The following CRACD variants were observed in gnomAD, a reference collection of about 807,000 sequenced individuals.
CRACD encodes the protein capping protein inhibiting regulator of actin dynamics, also known as capping protein-inhibiting regulator of actin dynamics.
CRACD carries 56 observed loss-of-function variants against 106.8 expected under a neutral mutation model. The observed-to-expected ratio is 0.52, with a 90% CI of 0.42 to 0.66. The LOEUF (loss-of-function observed/expected upper bound fraction) is 0.66. Among genes scored for constraint, CRACD ranks in the 30% least tolerant of loss-of-function variants. The pLI, the probability that CRACD is intolerant of heterozygous loss-of-function variation, is 0.00. For missense variants in CRACD, 1,730 were observed against 1,623.2 expected (o/e 1.07, Z -1.13); for synonymous variants, 754 against 670.8 (o/e 1.12, Z -1.92).
At chr4:56,162,149 A>G (rs1735981994) in intron 1 of CRACD, among the ~76,000 whole-genome samples, 1 of 152,138 alleles carries the variant, frequency 6.6e-6, no homozygotes, top group Non-Finnish European at 1.5e-5. Flanking sequence ...TGGATCAGAG[A>G]TGGGTAGATT....
chr4:56,216,986 C>CAAAAAAAAAAAAA (rs369354563), intron 2 of CRACD, among the ~76,000 whole-genome samples: 1 of 66,298 alleles, frequency 1.5e-5, no homozygotes, highest in African/African-American at 7.0e-5. Context: ...GACTCCGTCT[C>CAAAAAAAAAAAAA]AAAAAAAAAA....
At chr4:56,079,421 A>G (rs1041841335) in intron 1 of CRACD, among the ~76,000 whole-genome samples, 12 of 150,874 alleles carry the variant, frequency 8.0e-5, no homozygotes, top group Admixed American at 7.9e-4. Context: ...CTTATTTCTA[A>G]CATCGTCCTA....
chr4:56,251,580 C>G (rs763907142), intron 2 of CRACD, among the ~76,000 whole-genome samples: 3 of 152,140 alleles, frequency 2.0e-5, no homozygotes, highest in Admixed American at 2.0e-4. Context: ...CACTAAGGCT[C>G]ATGTTTAATG....
intron 1 of CRACD, among the ~76,000 whole-genome samples, chr4:56,172,711 C>T (rs953717694): frequency 6.6e-6 from 1 of 152,038 alleles, no homozygotes; most frequent in African/African-American, 2.4e-5. Flanking sequence ...GCAACGTCCA[C>T]CTCCTGGGTT....
chr4:56,141,790 C>T (rs952560674), intron 1 of CRACD, among the ~76,000 whole-genome samples: 4 of 144,742 alleles, frequency 2.8e-5, no homozygotes, highest in Non-Finnish European at 6.0e-5. Context: ...ACCTCCTGGG[C>T]TCAAGTGATC....
intron 2 of CRACD, among the ~76,000 whole-genome samples, chr4:56,218,560 C>T (rs73160419): frequency 1.4e-3 from 201 of 139,140 alleles, no homozygotes; most frequent in African/African-American, 5.0e-3. Context: ...CTTGCCTTCT[C>T]TTCACTTCTC....
intron 2 of CRACD, among the ~76,000 whole-genome samples, chr4:56,260,837 T>C (rs1741651615): frequency 6.6e-6 from 1 of 152,158 alleles, no homozygotes. Flanking sequence ...CTCCTTGCAA[T>C]ATATCATCTG....
chr4:56,078,834 A>C (rs1732928520), intron 1 of CRACD, among the ~76,000 whole-genome samples: 1 of 152,200 alleles, frequency 6.6e-6, no homozygotes, highest in Non-Finnish European at 1.5e-5. Flanking sequence ...ATATATGGAT[A>C]AAGGGTGTCT....
chr4:56,317,726 A>C (rs116639089), intron 8 of CRACD, among the ~76,000 whole-genome samples: 242 of 152,036 alleles, frequency 1.6e-3, no homozygotes, highest in African/African-American at 5.4e-3. Flanking sequence ...TGCTCTGCAA[A>C]TGCAGCTTGG....
chr4:56,295,660 CATATATATATATAT>C (rs57635563), intron 3 of CRACD, among the ~76,000 whole-genome samples: 3,318 of 108,912 alleles, frequency 0.03, 109 homozygotes, highest in East Asian at 0.12. Flanking sequence ...AATTAGTAAA[CATATATATATATAT>C]ATATATATAT....
At chr4:56,261,335 C>T (rs1484455028) in intron 2 of CRACD, among the ~76,000 whole-genome samples, 8 of 150,560 alleles carry the variant, frequency 5.3e-5, no homozygotes, top group East Asian at 2.0e-4. Context: ...AAAATATCTC[C>T]GCCTCTGTTA....
chr4:56,117,870 G>A (rs1240952219), intron 1 of CRACD, among the ~76,000 whole-genome samples: 1 of 151,948 alleles, frequency 6.6e-6, no homozygotes, highest in African/African-American at 2.4e-5. Context: ...TGATTCTTCT[G>A]CCTCAGCCTT....
Position 56,212,863 on chromosome 4 carries a change from G to T in CRACD, c.-189+33433G>T, listed in dbSNP as rs140895364. On this transcript the variant is annotated intron_variant, in intron 2 of 10. Transcript: ENST00000682029. ...ATGGATCCAAGCCAGTTAATTATTG[G>T]ATCCAATCTGATCCTGGACTTAGTC... 2.4e-4 allele frequency among the ~76,000 whole-genome samples: 37 copies of T among 152,280 alleles called. No individual in the cohort carries two copies. In the East Asian group the frequency reaches 6.9e-3, roughly 29 times the overall value.
At chr4:56,097,941 T>C (rs1157198822) in intron 1 of CRACD, among the ~76,000 whole-genome samples, 1 of 152,142 alleles carries the variant, frequency 6.6e-6, no homozygotes, top group Non-Finnish European at 1.5e-5. Flanking sequence ...ATTCTGTAAA[T>C]CAACACTTAA....
At chr4:56,303,712 G>T (rs1328893045) in intron 4 of CRACD, among the ~76,000 whole-genome samples, 1 of 152,224 alleles carries the variant, frequency 6.6e-6, no homozygotes, top group Non-Finnish European at 1.5e-5. Flanking sequence ...GCCTGTAGGG[G>T]CGAGGCCTTG....
chr4:56,115,405 A>G (rs1234669715), intron 1 of CRACD, among the ~76,000 whole-genome samples: 2 of 152,202 alleles, frequency 1.3e-5, no homozygotes, highest in Non-Finnish European at 2.9e-5. Flanking sequence ...AGATGGAAAT[A>G]ATTGCTGCCC....
chr4:56,312,370 C>T (rs1204315167), intron 6 of CRACD, among the ~76,000 whole-genome samples: 1 of 152,090 alleles, frequency 6.6e-6, no homozygotes, highest in East Asian at 1.9e-4. Context: ...GCCATGTTGG[C>T]CAGACTGGTC....
At chr4:56,263,290 C>G (rs1200720385) in intron 2 of CRACD, among the ~76,000 whole-genome samples, 1 of 152,112 alleles carries the variant, frequency 6.6e-6, no homozygotes, top group Non-Finnish European at 1.5e-5. Flanking sequence ...GGTGTGAAGG[C>G]ACAGTTACAA....
At chr4:56,107,590 G>A (rs2109838066) in intron 1 of CRACD, among the ~76,000 whole-genome samples, 1 of 152,156 alleles carries the variant, frequency 6.6e-6, no homozygotes, top group East Asian at 1.9e-4. Context: ...CAGTCCCATT[G>A]GTCTTTTCAG....
Sources: gnomAD v4.1 joint callset for allele counts (sites outside exome capture counted in the v4.1 genomes callset) on GRCh38, gnomAD v4.1.1 for gene constraint, MANE v1.5 for transcripts, NCBI Gene and HGNC (gene_info 2026-07-23, HGNC 2026-07-21) for gene names.